Variants in PIGQ observed in about 807,000 individuals in gnomAD.
PIGQ encodes phosphatidylinositol N-acetylglucosaminyltransferase subunit Q.
PIGQ carries 54 observed loss-of-function variants against 60.3 expected under a neutral mutation model. The observed-to-expected ratio is 0.90, with a 90% CI of 0.72 to 1.12. The LOEUF (loss-of-function observed/expected upper bound fraction) is 1.12, where lower values mean the gene tolerates loss of function less well. PIGQ is among the 50% of genes most tolerant of loss of function. The probability of loss-of-function intolerance (pLI) is 0.00; values close to 1 mark genes in which losing one functional copy is unlikely to be tolerated. For missense variants in PIGQ, 799 were observed against 793.5 expected, an observed-to-expected ratio of 1.01 and a Z score of -0.08; for synonymous variants, 416 against 363.7, an observed-to-expected ratio of 1.14 and a Z score of -1.64.
At chr16:579,902 C>T (rs977809814) in intron 7 of PIGQ, 21 of 323,256 alleles carry the variant, frequency 6.5e-5, no homozygotes, top group Middle Eastern at 8.1e-4. Context: ...TTGCCGCAGC[C>T]GCTGGATGCT....
chr16:572,668 C>G, intron 1 of PIGQ: 1 of 455,728 alleles, frequency 2.2e-6, no homozygotes. Context: ...TCTGTTCCCT[C>G]GTCCCTAAGG....
At position 574,170 on chromosome 16, in the gene PIGQ, C is replaced by T. The variant is rs1279313826; in HGVS notation, c.96C>T (p.Val32=). The change falls in exon 2 of 11, where the codon GTC becomes GTT. Residue 32 remains valine (V), a synonymous_variant. Coordinates refer to ENST00000321878, the MANE Select transcript of PIGQ (RefSeq NM_004204.5). The part of the protein sequence containing the change: ...RWVPEQSSAV[V]LAVLHFPFIP... ...TGCCGGAGCAGAGCAGCGCCGTGGT[C>T]CTGGCGGTCCTGCACTTTCCCTTCA... 3 of 1,612,626 alleles carry T rather than the reference C, an allele frequency of 1.9e-6. No individual in the cohort carries two copies. The highest frequency in any genetic ancestry group is 1.3e-5 in the African/African-American group (1 of 75,042).
In PIGQ at chr16:582,272, GGCAC is replaced by G; in HGVS notation, c.1558_1561del (p.His520ArgfsTer9). On this transcript the variant is annotated frameshift_variant, in exon 10 of 11. Transcript: ENST00000321878. LOFTEE classifies it high-confidence loss of function. ...GCTGGCGTGAAGTTCCGTGTCCTCC[GGCAC>G]GAGGCCGGCAGGCCCCTCCGCCTCC... 6.2e-7 allele frequency: 1 copy of G among 1,606,936 alleles called. No individual in the cohort carries two copies. The highest frequency in any genetic ancestry group is 8.5e-7 in the Non-Finnish European group (1 of 1,176,548).
Position 574,050 on chromosome 16 carries a change from T to G in PIGQ, c.-9-16T>G, listed in dbSNP as rs745655919. The G allele has an allele frequency of 5.1e-6, 8 of 1,561,102 alleles. No individual in the cohort carries two copies. Among genetic ancestry groups the G allele is most frequent in the African/African-American group, 4.1e-5 (3 of 73,962 alleles). ...CAGCAGCAGCTCTGAGCCGAGCCTC[T>G]CCTCTTCTCTTCCAGCCTCCCGGCA... On this transcript the variant is annotated splice_polypyrimidine_tract_variant and intron_variant, in intron 1 of 10. Transcript: ENST00000321878.
At chr16:570,997 T>G (rs188065380) in intron 1 of PIGQ, among the ~76,000 whole-genome samples, 1 of 151,154 alleles carries the variant, frequency 6.6e-6, no homozygotes, top group East Asian at 1.9e-4. Flanking sequence ...GCACTCGGGC[T>G]CATTCTTAGC....
rs2035750924 is a variant in PIGQ, at chr16:578,208, A to G, written c.943-171A>G. On this transcript the variant is annotated intron_variant, in intron 4 of 10. Coordinates refer to ENST00000321878, the MANE Select transcript of PIGQ (RefSeq NM_004204.5). ...TCCAGACCAGCCTCCTCAGACCCCA[A>G]TCCCGGAGCCATCTGTGAAGGGGAG... 6 of 636,558 alleles carry G rather than the reference A, an allele frequency of 9.4e-6. No homozygotes were observed. In the South Asian group the frequency reaches 1.0e-4, roughly 11 times the overall value. 39.4% of individuals were successfully genotyped at this position (636,558 alleles called of 1,614,324 possible). A position where few individuals can be genotyped will look rare whatever the true frequency, so the allele number is the denominator to read the frequency against.
intron 8 of PIGQ, chr16:580,475 G>A (rs2035793554): frequency 1.5e-5 from 8 of 551,592 alleles, no homozygotes; most frequent in African/African-American, 5.6e-5. Context: ...CCTGGAGCAC[G>A]CAGCTGGGTG....
Position 583,280 on chromosome 16 carries a change from C to T in PIGQ, c.*245C>T. The T allele has an allele frequency of 6.2e-6, 10 of 1,612,934 alleles. No individual in the cohort carries two copies. Among genetic ancestry groups the T allele is most frequent in the Non-Finnish European group, 8.5e-6 (10 of 1,179,968 alleles). On this transcript the variant is annotated 3_prime_UTR_variant, in exon 11 of 11. Coordinates refer to ENST00000321878, the MANE Select transcript of PIGQ (RefSeq NM_004204.5). ...ACTGCCTGCCTTGGGACCCGCTTCC[C>T]ACCTGCTGCGGTCACCATGGTGGCG... is the stretch of plus-strand genomic sequence containing the variant.
At chr16:576,883 G>A (rs1227993474) in intron 4 of PIGQ, 1 of 187,944 alleles carries the variant, frequency 5.3e-6, no homozygotes, top group African/African-American at 2.3e-5. Flanking sequence ...CTTCCATTAG[G>A]AGCTTGTCTT....
intron 4 of PIGQ, chr16:578,079 G>A (rs565045907): frequency 2.6e-5 from 8 of 311,052 alleles, no homozygotes; most frequent in South Asian, 2.0e-4. Flanking sequence ...TCCTGTGGCC[G>A]AGGTAGTGAG....
chr16:580,730 T>G (rs1596386920), intron 8 of PIGQ, 128 bp from the exon 9 acceptor site: 1 of 691,534 alleles, frequency 1.4e-6, no homozygotes, highest in Non-Finnish European at 2.6e-6. Flanking sequence ...CTGCTCAGGG[T>G]GGGGTCCCTG....
intron 5 of PIGQ, 49 bp from the exon 6 acceptor site, chr16:578,736 C>A (rs765911495): frequency 1.3e-6 from 2 of 1,591,460 alleles, no homozygotes; most frequent in Non-Finnish European, 1.7e-6. Context: ...TGTGCTGGGC[C>A]GAGGGCTGGG....
At chr16:581,531 C>T (rs1274396545) in intron 9 of PIGQ, among the ~76,000 whole-genome samples, 3 of 151,864 alleles carry the variant, frequency 2.0e-5, no homozygotes, top group East Asian at 1.9e-4. Context: ...GGCGCAATCT[C>T]GGCTCACTGT....
chr16:579,008 A>C, intron 6 of PIGQ, 61 bp from the exon 7 acceptor site: 1 of 466,174 alleles, frequency 2.1e-6, no homozygotes, highest in South Asian at 3.0e-5. Flanking sequence ...CGGGCGTTCG[A>C]GTGGGGCGGG....
Position 575,946 on chromosome 16 carries a change from C to CGG in PIGQ, c.798_799dup (p.Glu267GlyfsTer7). ...ACGCTAATCTTCAGTACACGGAAGG[C>CGG]GGAGAACCCTGCCCAGCTGATGAGG... On this transcript the variant is annotated frameshift_variant, in exon 3 of 11. Coordinates refer to ENST00000321878, the MANE Select transcript of PIGQ (RefSeq NM_004204.5). LOFTEE classifies it high-confidence loss of function. 1 of 1,585,430 alleles carries CGG rather than the reference C, an allele frequency of 6.3e-7. No individual in the cohort carries two copies.
rs2035672602 is a variant in PIGQ, at chr16:573,945, C to T, written c.-9-121C>T. On this transcript the variant is annotated intron_variant, in intron 1 of 10. Coordinates refer to ENST00000321878, the MANE Select transcript of PIGQ (RefSeq NM_004204.5). ...ACGGCGTCCACCACCGAACTTGAAGCTGAGGTGCCCCGACCTGGGGCCCTG... is the reference window on the plus strand; with the variant it reads ...ACGGCGTCCACCACCGAACTTGAAGTTGAGGTGCCCCGACCTGGGGCCCTG... 1.8e-5 allele frequency: 12 copies of T among 668,730 alleles called. No homozygotes were observed. In the South Asian group the frequency reaches 2.3e-4, roughly 13 times the overall value. 41.4% of individuals were successfully genotyped at this position (668,730 alleles called of 1,614,324 possible). A position where few individuals can be genotyped will look rare whatever the true frequency, so the allele number is the denominator to read the frequency against.
intron 4 of PIGQ, 162 bp downstream of exon 4, chr16:576,416 G>A: frequency 1.2e-6 from 1 of 844,546 alleles, no homozygotes; most frequent in South Asian, 1.8e-5. Flanking sequence ...AGGAACTCCA[G>A]GGGCGCTGGG....
intron 9 of PIGQ, chr16:581,979 G>C (rs1268030422): frequency 3.5e-5 from 18 of 515,976 alleles, no homozygotes; most frequent in Non-Finnish European, 6.1e-5. Context: ...GGCCAGGCTG[G>C]TCTTGAACTC....
Position 575,954 on chromosome 16 carries a change from C to T in PIGQ, c.805C>T (p.Pro269Ser), listed in dbSNP as rs1283058431. Residue 269 changes from proline (P) to serine (S), a missense_variant, in exon 3 of 11, where the codon CCT becomes TCT. By Grantham distance (74) the Pro-to-Ser change is moderately conservative. Coordinates refer to ENST00000321878, the MANE Select transcript of PIGQ (RefSeq NM_004204.5). Reference sequence around the variant, plus strand: ...CTTCAGTACACGGAAGGCGGAGAACCCTGCCCAGCTGATGAGGTGTGGGCC... The same window carrying T: ...CTTCAGTACACGGAAGGCGGAGAACTCTGCCCAGCTGATGAGGTGTGGGCC... ...LIFSTRKAENPAQLMRKANTV... is the reference protein window; with the variant it reads ...LIFSTRKAENSAQLMRKANTV... 4 of 1,585,324 alleles carry T rather than the reference C, an allele frequency of 2.5e-6. No homozygotes were observed. The Admixed American group carries it at 7.2e-5, about 28-fold the overall frequency.
Sources: gnomAD v4.1 joint callset for allele counts (sites outside exome capture counted in the v4.1 genomes callset) on GRCh38, gnomAD v4.1.1 for gene constraint, MANE v1.5 for transcripts, NCBI Gene and HGNC (gene_info 2026-07-23, HGNC 2026-07-21) for gene names.